The following UNC13C variants were observed in gnomAD, a reference collection of about 807,000 sequenced individuals.
The protein encoded by UNC13C is unc-13 homolog C, also known as protein unc-13 homolog C.
Under a neutral mutation model 245.4 loss-of-function variants are expected in UNC13C, and 174 were observed. That is an observed-to-expected ratio of 0.71 (90% CI 0.63 to 0.80). The LOEUF is 0.80. UNC13C is among the 30% of genes least tolerant of loss of function. The pLI is 0.00. For synonymous variants in UNC13C, 992 were observed against 895.1 expected, an observed-to-expected ratio of 1.11 and a Z score of -1.93; for missense variants, 2,829 against 2,602.9, an observed-to-expected ratio of 1.09 and a Z score of -1.89.
At chr15:54,044,124 C>T (rs1311728389) in intron 2 of UNC13C, among the ~76,000 whole-genome samples, 1 of 152,170 alleles carries the variant, frequency 6.6e-6, no homozygotes, top group Admixed American at 6.5e-5. Flanking sequence ...TACCTTCTGT[C>T]CCTGTGGAGT....
At chr15:54,535,770 G>A (rs1895957647) in intron 26 of UNC13C, among the ~76,000 whole-genome samples, 1 of 152,060 alleles carries the variant, frequency 6.6e-6, no homozygotes, top group South Asian at 2.1e-4. Flanking sequence ...ATTTAAGACA[G>A]AAATCAAGTA....
chr15:54,168,980 T>G (rs886494725), intron 4 of UNC13C, among the ~76,000 whole-genome samples: 1 of 152,200 alleles, frequency 6.6e-6, no homozygotes, highest in Non-Finnish European at 1.5e-5. Flanking sequence ...TTCAATTTGA[T>G]CACCTATCAA....
At chr15:54,590,893 A>T (rs1361893972) in intron 30 of UNC13C, among the ~76,000 whole-genome samples, 1 of 152,190 alleles carries the variant, frequency 6.6e-6, no homozygotes, top group Non-Finnish European at 1.5e-5. Context: ...GAATACTTTC[A>T]ACTTTTCCCC....
chr15:53,973,239 A>G (rs1213410549), upstream of UNC13C, among the ~76,000 whole-genome samples: 1 of 152,106 alleles, frequency 6.6e-6, no homozygotes, highest in Non-Finnish European at 1.5e-5. Flanking sequence ...GCCATTATGA[A>G]TGGAGGGCAG....
intron 19 of UNC13C, among the ~76,000 whole-genome samples, chr15:54,459,103 C>G (rs1891695065): frequency 1.3e-5 from 2 of 152,118 alleles, no homozygotes; most frequent in Admixed American, 1.3e-4. Context: ...GTGGTGAATT[C>G]TCTCAGCATT....
chr15:54,073,074 C>T (rs1595809498), intron 2 of UNC13C, among the ~76,000 whole-genome samples: 1 of 152,054 alleles, frequency 6.6e-6, no homozygotes, highest in Non-Finnish European at 1.5e-5. Context: ...ATGTTCCCCT[C>T]CCTGTGTCCA....
chr15:54,448,679 T>C (rs958501245), intron 19 of UNC13C, among the ~76,000 whole-genome samples: 1 of 152,288 alleles, frequency 6.6e-6, no homozygotes, highest in Admixed American at 6.5e-5. Flanking sequence ...TCTGCACGTG[T>C]GATGGGTTTC....
intron 4 of UNC13C, among the ~76,000 whole-genome samples, chr15:54,172,737 T>TATATAA (rs1567067140): frequency 1.9e-5 from 2 of 103,676 alleles, no homozygotes; most frequent in Admixed American, 1.0e-4. Flanking sequence ...TATATATATA[T>TATATAA]ATATATATAT....
chr15:54,401,081 A>T (rs1567240609), intron 18 of UNC13C, among the ~76,000 whole-genome samples: 1 of 152,170 alleles, frequency 6.6e-6, no homozygotes, highest in Non-Finnish European at 1.5e-5. Flanking sequence ...TTCATTAATT[A>T]GGTTTACTTA....
At chr15:54,161,612 T>A (rs190820343) in intron 4 of UNC13C, among the ~76,000 whole-genome samples, 73 of 152,264 alleles carry the variant, frequency 4.8e-4, no homozygotes, top group African/African-American at 1.6e-3. Context: ...TTAGGTTTTG[T>A]TTTATATTAG....
intron 30 of UNC13C, among the ~76,000 whole-genome samples, chr15:54,610,275 G>A (rs984060257): frequency 8.6e-5 from 13 of 151,838 alleles, no homozygotes; most frequent in African/African-American, 2.4e-4. Flanking sequence ...TTGCTCTGTC[G>A]CCCAGGCAGG....
At chr15:53,845,992 G>C in the UNC13C span, among the ~76,000 whole-genome samples, 1,020 of 152,142 alleles carry the variant, frequency 6.7e-3, 6 homozygotes, top group Non-Finnish European at 9.6e-3. Flanking sequence ...TAAAACCATT[G>C]TGTTTTTCAC....
At position 54,336,207 on chromosome 15, in the gene UNC13C, A is replaced by T. The variant is rs574991184; in HGVS notation, c.4585-2154A>T. 6.6e-5 allele frequency among the ~76,000 whole-genome samples: 10 copies of T among 152,108 alleles called. No individual in the cohort carries two copies. In the South Asian group the frequency reaches 2.1e-3, roughly 32 times the overall value. On this transcript the variant is annotated intron_variant, in intron 16 of 32. Coordinates refer to ENST00000260323, the MANE Select transcript of UNC13C (RefSeq NM_001080534.3). ...GTATGTATTTATTGTGTACAACATG[A>T]TGCTTTAAAATGTGTATACATTGCA...
At chr15:54,525,286 C>T (rs1003875513) in intron 24 of UNC13C, among the ~76,000 whole-genome samples, 1 of 151,974 alleles carries the variant, frequency 6.6e-6, no homozygotes, top group African/African-American at 2.4e-5. Flanking sequence ...ATTGCTATAA[C>T]CAACAAAGGC....
intron 2 of UNC13C, among the ~76,000 whole-genome samples, chr15:54,022,702 G>A (rs534923366): frequency 1.1e-4 from 16 of 152,170 alleles, no homozygotes; most frequent in East Asian, 5.8e-4. Flanking sequence ...TTCATGGATC[G>A]TCTCATCTTT....
the UNC13C span, among the ~76,000 whole-genome samples, chr15:53,970,964 C>T: frequency 0.022 from 3,322 of 152,208 alleles, 139 homozygotes; most frequent in African/African-American, 0.076. Flanking sequence ...CACCATTTTT[C>T]ATTTCCACCA....
chr15:54,570,883 A>C (rs1264386036), intron 30 of UNC13C, among the ~76,000 whole-genome samples: 6 of 152,228 alleles, frequency 3.9e-5, no homozygotes, highest in African/African-American at 1.2e-4. Context: ...CTCAGCTTCC[A>C]AGATCCCTTA....
At chr15:54,566,125 T>C (rs1897501918) in intron 29 of UNC13C, among the ~76,000 whole-genome samples, 1 of 151,976 alleles carries the variant, frequency 6.6e-6, no homozygotes, top group Non-Finnish European at 1.5e-5. Context: ...CACAGTTATT[T>C]CTTTGGATGG....
intron 2 of UNC13C, among the ~76,000 whole-genome samples, chr15:54,089,269 A>G (rs1160844019): frequency 6.6e-6 from 1 of 152,222 alleles, no homozygotes; most frequent in Non-Finnish European, 1.5e-5. Context: ...TGCAGTGCCT[A>G]GAACAAAGAA....
Sources: allele counts gnomAD v4.1 joint callset (sites outside exome capture counted in the v4.1 genomes callset), GRCh38; gene constraint gnomAD v4.1.1; transcripts MANE v1.5; gene names NCBI Gene and HGNC (gene_info 2026-07-23, HGNC 2026-07-21).